Variants in COG5 observed in about 807,000 individuals in gnomAD.
COG5 encodes the protein component of oligomeric golgi complex 5, also known as conserved oligomeric Golgi complex subunit 5.
A neutral mutation model predicts 110.4 loss-of-function variants in COG5; 86 were observed. That is an observed-to-expected ratio of 0.78 (90% CI 0.65 to 0.93). COG5 has a LOEUF of 0.93. Among genes scored for constraint, COG5 ranks in the 40% least tolerant of loss-of-function variants. The pLI, the probability that COG5 is intolerant of heterozygous loss-of-function variation, is 0.00. For synonymous variants in COG5, 360 were observed against 334.6 expected (o/e 1.08, Z -0.83); for missense variants, 1,077 against 987.0 (o/e 1.09, Z -1.22).
Position 107,258,342 on chromosome 7 carries a change from A to G in COG5, c.1617T>C (p.Leu539=). The change falls in exon 15 of 22, where the codon CTT becomes CTC. Residue 539 remains leucine, a synonymous_variant. Transcript: ENST00000297135. ...QGDASQVIGP[L]TEGQRRNVAV... is the part of the protein sequence containing the mutation. The stretch of plus-strand genomic sequence containing the variant: ...CCACATTTCTTCTCTGTCCTTCAGT[A>G]AGAGGCCCAATCACCTGACTTGCAT... 1 of 1,613,080 alleles carries G rather than the reference A, an allele frequency of 6.2e-7. No individual in the cohort carries two copies.
At chr7:107,335,977 G>A (rs944281534) in intron 10 of COG5, among the ~76,000 whole-genome samples, 11 of 151,968 alleles carry the variant, frequency 7.2e-5, no homozygotes, top group Non-Finnish European at 1.6e-4. Context: ...TAAAGAAAAC[G>A]TTAACGTATC....
At chr7:107,311,891 A>T (rs1272416523) in intron 11 of COG5, among the ~76,000 whole-genome samples, 1 of 151,468 alleles carries the variant, frequency 6.6e-6, no homozygotes, top group Admixed American at 6.6e-5. Context: ...GGTTTTCATC[A>T]TTGCTTCTGG....
chr7:107,511,963 G>A (rs1360575522), intron 6 of COG5, among the ~76,000 whole-genome samples: 4 of 152,172 alleles, frequency 2.6e-5, no homozygotes, highest in Non-Finnish European at 5.9e-5. Context: ...AAAACTGGAA[G>A]CATTCCCTTT....
In COG5 at chr7:107,548,352, C is replaced by A; in HGVS notation, c.293-20G>T. 1.2e-6 allele frequency: 2 copies of A among 1,612,446 alleles called. No homozygotes were observed. The highest frequency in any genetic ancestry group is 1.7e-6 in the Non-Finnish European group (2 of 1,178,472). On this transcript the variant is annotated intron_variant, in intron 3 of 21. Coordinates refer to ENST00000297135, the MANE Select transcript of COG5 (RefSeq NM_006348.5). The stretch of plus-strand genomic sequence containing the variant: ...GAACACCTAGGAAAACATAAGTTTA[C>A]ATTGGCTTTACAAATTTACAGGGCA...
At chr7:107,357,754 G>T (rs1487191193) in intron 10 of COG5, among the ~76,000 whole-genome samples, 2 of 151,956 alleles carry the variant, frequency 1.3e-5, no homozygotes, top group African/African-American at 2.4e-5. Context: ...CTATAACCTT[G>T]AACTCCTAGG....
At chr7:107,452,990 A>C (rs540112965) in intron 6 of COG5, among the ~76,000 whole-genome samples, 1 of 152,290 alleles carries the variant, frequency 6.6e-6, no homozygotes, top group Non-Finnish European at 1.5e-5. Context: ...CCTTATACTT[A>C]ATCTTTAGTA....
At chr7:107,389,728 C>T (rs923605570) in intron 7 of COG5, among the ~76,000 whole-genome samples, 5 of 152,136 alleles carry the variant, frequency 3.3e-5, no homozygotes, top group African/African-American at 4.8e-5. Context: ...TTCATTGCCA[C>T]GTCCCATTCC....
intron 1 of COG5, 103 bp downstream of exon 1, chr7:107,563,700 G>C (rs1171628770): frequency 7.2e-7 from 1 of 1,391,366 alleles, no homozygotes. Flanking sequence ...CGTCCAGACT[G>C]GAAAACTTTC....
intron 10 of COG5, among the ~76,000 whole-genome samples, chr7:107,355,665 A>C (rs1812564072): frequency 6.6e-6 from 1 of 152,270 alleles, no homozygotes; most frequent in Non-Finnish European, 1.5e-5. Context: ...GGAAGAAGGC[A>C]TTCAGAAAAG....
chr7:107,560,782 A>C (rs532446034), intron 1 of COG5, among the ~76,000 whole-genome samples: 32 of 152,362 alleles, frequency 2.1e-4, no homozygotes, highest in Admixed American at 5.2e-4. Context: ...ATCAAAATAG[A>C]AATGTCCATA....
intron 6 of COG5, among the ~76,000 whole-genome samples, chr7:107,516,773 C>T (rs755964886): frequency 1.3e-5 from 2 of 151,978 alleles, no homozygotes; most frequent in East Asian, 3.9e-4. Context: ...AAGAGGGGTC[C>T]GTTGGAAGAA....
At chr7:107,535,638 A>G (rs572852491) in intron 5 of COG5, among the ~76,000 whole-genome samples, 5 of 152,342 alleles carry the variant, frequency 3.3e-5, no homozygotes, top group African/African-American at 4.8e-5. Context: ...GAATAGACCA[A>G]TAACAAGTTC....
At chr7:107,544,012 G>A (rs957230676) in intron 5 of COG5, among the ~76,000 whole-genome samples, 4 of 152,080 alleles carry the variant, frequency 2.6e-5, no homozygotes, top group African/African-American at 9.7e-5. Flanking sequence ...CAGCCTCCAG[G>A]CCAGCACTCA....
intron 7 of COG5, among the ~76,000 whole-genome samples, chr7:107,395,240 C>T (rs995834347): frequency 2.7e-5 from 4 of 150,812 alleles, no homozygotes; most frequent in East Asian, 1.9e-4. Flanking sequence ...ATTAAAAAGA[C>T]GGGGAAAGGG....
intron 18 of COG5, among the ~76,000 whole-genome samples, chr7:107,235,520 C>T (rs4727670): frequency 0.16 from 24,931 of 152,150 alleles, 2,404 homozygotes; most frequent in Non-Finnish European, 0.22. Context: ...TTGGCCAATA[C>T]GGTTAAACCC....
chr7:107,295,082 TA>T (rs1806602054), intron 12 of COG5, among the ~76,000 whole-genome samples: 7 of 64,026 alleles, frequency 1.1e-4, no homozygotes, highest in African/African-American at 4.8e-4. Context: ...TATATATATA[TA>T]TATATATATA....
At chr7:107,353,576 A>G (rs1678531560) in intron 10 of COG5, among the ~76,000 whole-genome samples, 1 of 152,194 alleles carries the variant, frequency 6.6e-6, no homozygotes, top group South Asian at 2.1e-4. Flanking sequence ...AGCTAGCCAG[A>G]GCATTTATTA....
intron 18 of COG5, among the ~76,000 whole-genome samples, chr7:107,234,741 G>A (rs957301927): frequency 6.6e-6 from 1 of 151,850 alleles, no homozygotes; most frequent in African/African-American, 2.4e-5. Flanking sequence ...GAGGAAAGGG[G>A]AAGAGGAGAA....
chr7:107,512,946 A>G (rs1341333387), intron 6 of COG5, among the ~76,000 whole-genome samples: 6 of 152,094 alleles, frequency 3.9e-5, no homozygotes, highest in African/African-American at 1.2e-4. Context: ...TAAAAACCCT[A>G]GAAGAAAACC....
Sources: allele counts gnomAD v4.1 joint callset (sites outside exome capture counted in the v4.1 genomes callset), GRCh38; gene constraint gnomAD v4.1.1; transcripts MANE v1.5; gene names NCBI Gene and HGNC (gene_info 2026-07-23, HGNC 2026-07-21).